The following NEO1 variants were observed in gnomAD, a reference collection of about 807,000 sequenced individuals.
The protein encoded by NEO1 is neogenin.
In NEO1, 63 loss-of-function variants were observed where a neutral mutation model predicts 159.7. That is an observed-to-expected ratio of 0.39 (90% CI 0.32 to 0.49). The LOEUF is 0.49. Ranked by LOEUF, NEO1 falls within the 20% of genes least tolerant of loss-of-function variation. NEO1 has a pLI of 0.85. For synonymous variants in NEO1, 633 were observed against 662.0 expected, an observed-to-expected ratio of 0.96 and a Z score of 0.67; for missense variants, 1,615 against 1,831.0, an observed-to-expected ratio of 0.88 and a Z score of 2.15.
intron 7 of NEO1, among the ~76,000 whole-genome samples, chr15:73,191,060 T>C (rs553833842): frequency 1.3e-5 from 2 of 152,234 alleles, no homozygotes; most frequent in African/African-American, 4.8e-5. Flanking sequence ...GAAATAGATA[T>C]GTTGTTTGCA....
rs1433264155 is a variant in NEO1, at chr15:73,082,604, AT to A, written c.130+29803del. On this transcript the variant is annotated intron_variant, in intron 1 of 28. Coordinates refer to ENST00000261908, the MANE Select transcript of NEO1 (RefSeq NM_002499.4). ...GGATTTTTTTTTTTGGAAAGAAAGC[AT>A]TTTGTTTATTCACTTAAAAATATTA... is the stretch of plus-strand genomic sequence containing the variant. Among the ~76,000 whole-genome samples, 3 of 152,178 alleles carry A rather than the reference AT, an allele frequency of 2.0e-5. 1 individual carries two copies. The highest frequency in any genetic ancestry group is 2.9e-5 in the Non-Finnish European group (2 of 68,024).
chr15:73,165,934 C>T (rs183298890), intron 5 of NEO1, among the ~76,000 whole-genome samples: 10 of 152,272 alleles, frequency 6.6e-5, no homozygotes, highest in Admixed American at 4.6e-4. Context: ...TGTCAGGAGA[C>T]GGGATTTTCC....
chr15:73,083,087 C>A (rs1333796987), intron 1 of NEO1, among the ~76,000 whole-genome samples: 1 of 152,098 alleles, frequency 6.6e-6, no homozygotes, highest in Non-Finnish European at 1.5e-5. Context: ...AATTCAGGGC[C>A]TTGTTGGATG....
chr15:73,058,466 T>C (rs1204299111), intron 1 of NEO1, among the ~76,000 whole-genome samples: 3 of 152,236 alleles, frequency 2.0e-5, no homozygotes, highest in African/African-American at 7.2e-5. Context: ...TGTATTCTCC[T>C]GTTATGGATA....
chr15:73,161,177 C>T (rs1262031670), intron 5 of NEO1, among the ~76,000 whole-genome samples: 1 of 152,130 alleles, frequency 6.6e-6, no homozygotes, highest in Non-Finnish European at 1.5e-5. Context: ...AGTCCTCCCT[C>T]CAAGATTATA....
At chr15:73,154,242 A>G (rs559854953) in intron 5 of NEO1, among the ~76,000 whole-genome samples, 5 of 152,206 alleles carry the variant, frequency 3.3e-5, no homozygotes, top group South Asian at 2.1e-4. Context: ...GTTGGTGTAT[A>G]TATTTATCGG....
At chr15:73,080,480 G>A (rs999808689) in intron 1 of NEO1, among the ~76,000 whole-genome samples, 4 of 151,738 alleles carry the variant, frequency 2.6e-5, no homozygotes, top group African/African-American at 4.8e-5. Context: ...GTGTTTGTTA[G>A]TTACATATTT....
intron 7 of NEO1, chr15:73,221,779 A>C (rs2038284473): frequency 6.4e-6 from 1 of 156,382 alleles, no homozygotes; most frequent in Non-Finnish European, 1.4e-5. Context: ...TAAGCCCGTC[A>C]GAAAAGCGCA....
chr15:73,079,232 T>C (rs1398315640), intron 1 of NEO1, among the ~76,000 whole-genome samples: 1 of 152,206 alleles, frequency 6.6e-6, no homozygotes, highest in Non-Finnish European at 1.5e-5. Flanking sequence ...TTGTAGGCTA[T>C]TATGCCATGT....
intron 20 of NEO1, among the ~76,000 whole-genome samples, chr15:73,274,342 G>T (rs146310189): frequency 0.013 from 2,051 of 152,274 alleles, 18 homozygotes; most frequent in South Asian, 0.017. Context: ...GTGTTCTTGT[G>T]ATGGATAGTT....
chr15:73,296,311 G>C (rs1053738690), intron 26 of NEO1, among the ~76,000 whole-genome samples: 1 of 152,060 alleles, frequency 6.6e-6, no homozygotes, highest in Non-Finnish European at 1.5e-5. Flanking sequence ...CTCCTACCCT[G>C]CCCAGCTTCT....
chr15:73,181,972 A>T (rs992383627), intron 7 of NEO1, among the ~76,000 whole-genome samples: 3 of 38,150 alleles, frequency 7.9e-5, no homozygotes, highest in African/African-American at 1.6e-4. Context: ...AAACAGGGCA[A>T]TTTACAAAAG....
intron 5 of NEO1, among the ~76,000 whole-genome samples, chr15:73,141,416 T>A (rs1002105650): frequency 1.3e-5 from 2 of 152,236 alleles, no homozygotes; most frequent in Non-Finnish European, 2.9e-5. Context: ...CCATCATGTA[T>A]TTCCTGTCAT....
intron 22 of NEO1, among the ~76,000 whole-genome samples, chr15:73,279,350 G>GTTTTTTTTTTTTTTTTTTTTTTT (rs1567679061): frequency 1.7e-5 from 1 of 58,138 alleles, no homozygotes; most frequent in African/African-American, 3.6e-5. Context: ...TTTTGGTTTT[G>GTTTTTTTTTTTTTTTTTTTTTTT]GTTTTTTTTT....
At chr15:73,110,892 G>A (rs1317955618) in intron 1 of NEO1, among the ~76,000 whole-genome samples, 1 of 152,042 alleles carries the variant, frequency 6.6e-6, no homozygotes, top group African/African-American at 2.4e-5. Flanking sequence ...GTAACAAAAA[G>A]TGGGTAAAGA....
At chr15:73,128,333 A>G (rs1029735952) in intron 4 of NEO1, among the ~76,000 whole-genome samples, 1 of 152,172 alleles carries the variant, frequency 6.6e-6, no homozygotes, top group African/African-American at 2.4e-5. Context: ...ATTGGCTACA[A>G]GTTAGAACAA....
At chr15:73,157,105 A>C (rs1210922407) in intron 5 of NEO1, among the ~76,000 whole-genome samples, 1 of 152,152 alleles carries the variant, frequency 6.6e-6, no homozygotes, top group African/African-American at 2.4e-5. Flanking sequence ...AGTGTTCTGC[A>C]ACTCAGTCCA....
intron 1 of NEO1, among the ~76,000 whole-genome samples, chr15:73,065,836 T>TA (rs1275174468): frequency 6.6e-6 from 1 of 152,152 alleles, no homozygotes; most frequent in Non-Finnish European, 1.5e-5. Flanking sequence ...TAGGCTCCCT[T>TA]ACATCCTTAT....
chr15:73,194,043 C>T (rs1193456723), intron 7 of NEO1, among the ~76,000 whole-genome samples: 1 of 152,124 alleles, frequency 6.6e-6, no homozygotes, highest in Non-Finnish European at 1.5e-5. Flanking sequence ...CAGGAATATA[C>T]ATCTGGGAAG....
Sources: gnomAD v4.1 joint callset for allele counts (sites outside exome capture counted in the v4.1 genomes callset) on GRCh38, gnomAD v4.1.1 for gene constraint, MANE v1.5 for transcripts, NCBI Gene and HGNC (gene_info 2026-07-23, HGNC 2026-07-21) for gene names.